The following FKTN variants were observed in gnomAD, a reference collection of about 807,000 sequenced individuals.
FKTN encodes the protein ribitol-5-phosphate transferase FKTN.
FKTN carries 47 observed loss-of-function variants against 58.6 expected under a neutral mutation model. That is an observed-to-expected ratio of 0.80 (90% confidence interval 0.63 to 1.02). FKTN has a LOEUF of 1.02. Ranked by LOEUF, FKTN falls within the 50% of genes least tolerant of loss-of-function variation. The pLI is 0.00. For synonymous variants in FKTN, 178 were observed against 191.9 expected, an observed-to-expected ratio of 0.93 and a Z score of 0.60; for missense variants, 516 against 537.3, an observed-to-expected ratio of 0.96 and a Z score of 0.39.
intron 3 of FKTN, among the ~76,000 whole-genome samples, chr9:105,582,648 T>A (rs1481825391): frequency 6.6e-6 from 1 of 152,252 alleles, no homozygotes; most frequent in Non-Finnish European, 1.5e-5. Flanking sequence ...ATTCTACTTT[T>A]GATCTTGGCT....
At chr9:105,591,657 G>A (rs1156929092) in intron 3 of FKTN, among the ~76,000 whole-genome samples, 1 of 152,100 alleles carries the variant, frequency 6.6e-6, no homozygotes, top group East Asian at 1.9e-4. Flanking sequence ...GGTTACTGGT[G>A]GATCTACCAC....
At position 105,570,215 on chromosome 9, in the gene FKTN, TTTTC is replaced by T. The variant is rs1203895075; in HGVS notation, c.-180-3438_-180-3435del. On this transcript the variant is annotated intron_variant, in intron 1 of 10. Transcript: ENST00000357998. ...GAACAGAAAAGTTTTATTTAAATAG[TTTTC>T]TGTTTTCTTGAGCATTGTGCAGTGT... is the stretch of plus-strand genomic sequence containing the variant. Among the ~76,000 whole-genome samples, 4 of 152,252 alleles carry T rather than the reference TTTTC, an allele frequency of 2.6e-5. No homozygotes were observed. In the East Asian group the frequency reaches 7.7e-4, roughly 29 times the overall value.
chr9:105,638,068 G>A lies in FKTN; in HGVS notation c.*2804G>A. 2 of 972,232 alleles carry A rather than the reference G, an allele frequency of 2.1e-6. No homozygotes were observed. The highest frequency in any genetic ancestry group is 4.8e-5 in the South Asian group (1 of 20,968). 60.2% of individuals were successfully genotyped at this position (972,232 alleles called of 1,614,324 possible). A position where few individuals can be genotyped will look rare whatever the true frequency, so the allele number is the denominator to read the frequency against. On this transcript the variant is annotated 3_prime_UTR_variant, in exon 11 of 11. Transcript: ENST00000357998. Reference sequence around the variant, plus strand: ...TCTTAAAAGCTAGAAAAACCATAATGTAATATTCTTTTTAAACCCTCTTAT... The same window carrying A: ...TCTTAAAAGCTAGAAAAACCATAATATAATATTCTTTTTAAACCCTCTTAT...
chr9:105,616,879 CAAA>C (rs377163590), intron 8 of FKTN, among the ~76,000 whole-genome samples: 4 of 119,864 alleles, frequency 3.3e-5, no homozygotes, highest in Admixed American at 8.1e-5. Flanking sequence ...TAGAATAAGC[CAAA>C]AAAAAAAAAA....
chr9:105,624,291 A>G (rs1050097846), intron 10 of FKTN: 7 of 152,116 alleles, frequency 4.6e-5, no homozygotes, highest in Admixed American at 1.3e-4. Context: ...GGTATCTTCT[A>G]TCATAAAACC....
chr9:105,585,187 G>A (rs1278000297), intron 3 of FKTN, among the ~76,000 whole-genome samples: 1 of 152,180 alleles, frequency 6.6e-6, no homozygotes, highest in Non-Finnish European at 1.5e-5. Context: ...CACTTTGGGA[G>A]GCTTAGGCGA....
chr9:105,580,019 G>A (rs1245157766), intron 3 of FKTN, among the ~76,000 whole-genome samples: 1 of 151,510 alleles, frequency 6.6e-6, no homozygotes, highest in African/African-American at 2.4e-5. Context: ...CATTTGCTTG[G>A]TAGATCTTCC....
In FKTN at chr9:105,640,035, T is replaced by C; in HGVS notation, c.*4771T>C. 2.0e-6 allele frequency: 3 copies of C among 1,531,834 alleles called. No individual in the cohort carries two copies. The highest frequency in any genetic ancestry group is 1.7e-6 in the Non-Finnish European group (2 of 1,143,624). 94.9% of individuals were successfully genotyped at this position (1,531,834 alleles called of 1,614,324 possible). ...TGATGAATGCCTGTATCATTGTTAA[T>C]AAAGGAGAATTGAAAATACTCATTT... is the stretch of plus-strand genomic sequence containing the variant. On this transcript the variant is annotated 3_prime_UTR_variant, in exon 11 of 11. Coordinates refer to ENST00000357998, the MANE Select transcript of FKTN (RefSeq NM_001079802.2).
At chr9:105,602,636 A>G (rs1828093377) in intron 5 of FKTN, among the ~76,000 whole-genome samples, 1 of 152,182 alleles carries the variant, frequency 6.6e-6, no homozygotes, top group Admixed American at 6.5e-5. Context: ...GTTCACTGCA[A>G]TCTCCGCCTC....
chr9:105,576,664 G>C (rs1184518785), intron 3 of FKTN, among the ~76,000 whole-genome samples: 2 of 109,418 alleles, frequency 1.8e-5, no homozygotes, highest in South Asian at 7.1e-4. Context: ...ATGATTTATA[G>C]TCATTTGGGT....
chr9:105,591,538 C>T (rs932474291), intron 3 of FKTN, among the ~76,000 whole-genome samples: 1 of 152,224 alleles, frequency 6.6e-6, no homozygotes, highest in Admixed American at 6.5e-5. Flanking sequence ...GGGGTGGGCT[C>T]CCAAGGCCTT....
At chr9:105,571,255 T>C (rs1296493224) in intron 1 of FKTN, among the ~76,000 whole-genome samples, 1 of 152,140 alleles carries the variant, frequency 6.6e-6, no homozygotes, top group African/African-American at 2.4e-5. Flanking sequence ...AAGGAATTGA[T>C]GCAAGAGGTA....
intron 3 of FKTN, among the ~76,000 whole-genome samples, chr9:105,579,480 G>A (rs1842434936): frequency 1.3e-5 from 2 of 151,982 alleles, no homozygotes; most frequent in South Asian, 4.2e-4. Context: ...GCGGCTTTGA[G>A]TGAGTTTCTT....
rs1315326699 is a variant in FKTN, at chr9:105,602,130, A to T, written c.369+782A>T. On this transcript the variant is annotated intron_variant, in intron 5 of 10. Transcript: ENST00000357998. ...TAGTGAGCAAGTTTCCAACAACAAAAAAAGTAAAATTGTCTCTTCATTGAC... is the reference window on the plus strand; with the variant it reads ...TAGTGAGCAAGTTTCCAACAACAAATAAAGTAAAATTGTCTCTTCATTGAC... Among the ~76,000 whole-genome samples the T allele has an allele frequency of 2.0e-5, 3 of 152,258 alleles. No individual in the cohort carries two copies. The East Asian group carries it at 5.8e-4, about 29-fold the overall frequency.
At position 105,639,237 on chromosome 9, in the gene FKTN, G is replaced by T. The variant is rs778058507; in HGVS notation, c.*3973G>T. 3.0e-5 allele frequency: 30 copies of T among 985,136 alleles called. No homozygotes were observed. The highest frequency in any genetic ancestry group is 2.9e-5 in the Non-Finnish European group (24 of 829,880). The allele number at this position is 985,136 out of a possible 1,614,324, so 61.0% of individuals were successfully genotyped here. A position where few individuals can be genotyped will look rare whatever the true frequency, so the allele number is the denominator to read the frequency against. ...ATTTCTCAAGAAAAATCCCAGCAACGTTCCCTCTTTCCTCCTTGTCTTCCA... is the reference window on the plus strand; with the variant it reads ...ATTTCTCAAGAAAAATCCCAGCAACTTTCCCTCTTTCCTCCTTGTCTTCCA... On this transcript the variant is annotated 3_prime_UTR_variant, in exon 11 of 11. Transcript: ENST00000357998.
chr9:105,631,214 A>G (rs973351585), intron 10 of FKTN, among the ~76,000 whole-genome samples: 6 of 152,236 alleles, frequency 3.9e-5, no homozygotes, highest in Admixed American at 3.3e-4. Context: ...ATCATGTTTA[A>G]TGATAAAACT....
chr9:105,571,691 T>G (rs533621093), intron 1 of FKTN, among the ~76,000 whole-genome samples: 17 of 152,326 alleles, frequency 1.1e-4, no homozygotes, highest in Non-Finnish European at 2.4e-4. Context: ...TCACTAGGAA[T>G]CAGCATAGAA....
At chr9:105,631,493 G>A (rs1833443761) in intron 10 of FKTN, among the ~76,000 whole-genome samples, 1 of 151,824 alleles carries the variant, frequency 6.6e-6, no homozygotes, top group African/African-American at 2.4e-5. Context: ...CTACAAAATG[G>A]GAGAAAATTT....
At chr9:105,577,224 T>G (rs950129400) in intron 3 of FKTN, among the ~76,000 whole-genome samples, 1 of 150,516 alleles carries the variant, frequency 6.6e-6, no homozygotes, top group Non-Finnish European at 1.5e-5. Context: ...TTTGGTGTTT[T>G]GGACATGAAG....
Sources: allele counts gnomAD v4.1 joint callset (sites outside exome capture counted in the v4.1 genomes callset), GRCh38; gene constraint gnomAD v4.1.1; transcripts MANE v1.5; gene names NCBI Gene and HGNC (gene_info 2026-07-23, HGNC 2026-07-21).